WNK2: variants seen among roughly 807,000 people sequenced by gnomAD.
The protein encoded by WNK2 is WNK lysine deficient protein kinase 2, also known as serine/threonine-protein kinase WNK2.
A neutral mutation model predicts 192.1 loss-of-function variants in WNK2; 67 were observed. The ratio of observed to expected loss-of-function variants is 0.35; its 90% CI spans 0.29 to 0.43. WNK2 has a LOEUF of 0.43. Ranked by LOEUF, WNK2 falls within the 20% of genes least tolerant of loss-of-function variation. WNK2 has a pLI of 1.00. For synonymous variants in WNK2, 1,439 were observed against 1,393.9 expected, an observed-to-expected ratio of 1.03 and a Z score of -0.72; for missense variants, 2,698 against 3,089.7, an observed-to-expected ratio of 0.87 and a Z score of 3.01.
intron 2 of WNK2, among the ~76,000 whole-genome samples, chr9:93,207,099 C>T (rs1305229136): frequency 2.0e-5 from 3 of 152,076 alleles, no homozygotes; most frequent in Non-Finnish European, 2.9e-5. Context: ...CTGGGGCATC[C>T]AGATGAGAGG....
chr9:93,264,106 G>A, intron 16 of WNK2, 73 bp downstream of exon 16: 2 of 1,177,702 alleles, frequency 1.7e-6, no homozygotes, highest in African/African-American at 1.5e-5. Flanking sequence ...AGCGCCACAG[G>A]TCACATGTCG....
intron 14 of WNK2, 40 bp downstream of exon 14, chr9:93,262,759 G>A: frequency 6.2e-7 from 1 of 1,605,998 alleles, no homozygotes; most frequent in African/African-American, 1.3e-5. Flanking sequence ...ACGGGTGTAG[G>A]GGCGCAGGCC....
rs772790491 is a variant in WNK2, at chr9:93,297,901, C to T, written c.5757C>T (p.Ile1919=). Residue 1919 remains isoleucine (I), a synonymous_variant, in exon 24 of 30, where the codon ATC becomes ATT. Transcript: ENST00000427277. ...TGCAGAGCCAGCAGAAGCAGGAGAT[C>T]GAAGCTCTGTACCGCCGCCTGGGCA... ...SELQSQQKQE[I]EALYRRLGKP... is the part of the protein sequence containing the mutation. 1.3e-5 allele frequency: 20 copies of T among 1,593,490 alleles called. No individual in the cohort carries two copies. The highest frequency in any genetic ancestry group is 9.1e-5 in the South Asian group (8 of 87,762).
Position 93,289,912 on chromosome 9 carries a change from A to G in WNK2, c.4867-66A>G, listed in dbSNP as rs771279602. ...TGAGATGAGGGGAGTGGATTTGCAGATACAGCTGTTGAGATGCTGACCTGT... is the reference window on the plus strand; with the variant it reads ...TGAGATGAGGGGAGTGGATTTGCAGGTACAGCTGTTGAGATGCTGACCTGT... On this transcript the variant is annotated intron_variant, in intron 20 of 29. Coordinates refer to ENST00000427277, the MANE Select transcript of WNK2 (RefSeq NM_006648.4). 4.4e-5 allele frequency: 64 copies of G among 1,461,570 alleles called. No individual in the cohort carries two copies. In the Middle Eastern group the frequency reaches 5.4e-4, roughly 12 times the overall value. 90.5% of individuals were successfully genotyped at this position (1,461,570 alleles called of 1,614,324 possible). A position where few individuals can be genotyped will look rare whatever the true frequency, so the allele number is the denominator to read the frequency against.
At chr9:93,201,532 C>G (rs1832354981) in intron 2 of WNK2, among the ~76,000 whole-genome samples, 1 of 152,220 alleles carries the variant, frequency 6.6e-6, no homozygotes, top group African/African-American at 2.4e-5. Flanking sequence ...CCTGGCCTGG[C>G]CTATTGCTAG....
intron 2 of WNK2, among the ~76,000 whole-genome samples, chr9:93,202,844 G>A (rs1832717862): frequency 6.6e-6 from 1 of 152,146 alleles, no homozygotes; most frequent in South Asian, 2.1e-4. Flanking sequence ...GACACTTCTG[G>A]CTGGAAGGCC....
intron 28 of WNK2, 81 bp downstream of exon 28, chr9:93,308,665 G>C: frequency 7.0e-7 from 1 of 1,429,812 alleles, no homozygotes; most frequent in South Asian, 1.4e-5. Context: ...CTGTGTGGCA[G>C]AGGGGTGTCC....
chr9:93,184,508 G>A (rs955571503), intron 1 of WNK2, among the ~76,000 whole-genome samples, 123 bp downstream of exon 1: 1 of 151,868 alleles, frequency 6.6e-6, no homozygotes, highest in African/African-American at 2.4e-5. Flanking sequence ...AGCCGCCGCC[G>A]GGCCACTGCC....
chr9:93,242,626 G>A (rs1264124136), intron 7 of WNK2, among the ~76,000 whole-genome samples: 1 of 152,258 alleles, frequency 6.6e-6, no homozygotes, highest in Non-Finnish European at 1.5e-5. Context: ...TGAGGATTGG[G>A]ATGGTGGCTG....
At chr9:93,200,409 C>G (rs1832121910) in intron 2 of WNK2, among the ~76,000 whole-genome samples, 1 of 152,332 alleles carries the variant, frequency 6.6e-6, no homozygotes, top group African/African-American at 2.4e-5. Flanking sequence ...TCTGCATGTT[C>G]CCTCAAGAGC....
chr9:93,269,218 C>CTGCACT (rs2133249913), intron 19 of WNK2, among the ~76,000 whole-genome samples: 1 of 152,016 alleles, frequency 6.6e-6, no homozygotes, highest in South Asian at 2.1e-4. Context: ...TGATCTGCAC[C>CTGCACT]TGCACCTGCC....
intron 19 of WNK2, among the ~76,000 whole-genome samples, chr9:93,282,580 A>G (rs980862293): frequency 6.6e-6 from 1 of 152,194 alleles, no homozygotes; most frequent in African/African-American, 2.4e-5. Flanking sequence ...ATATTTTTAT[A>G]TCAATGTAGA....
chr9:93,243,933 C>T (rs1281249978), intron 7 of WNK2, among the ~76,000 whole-genome samples: 1 of 152,346 alleles, frequency 6.6e-6, no homozygotes, highest in African/African-American at 2.4e-5. Flanking sequence ...TGCTCTTCTT[C>T]CTAAAATCTG....
rs372417079 is a variant in WNK2 at position 93,280,475 on chromosome 9, AC to A, written c.4034-8311del. On this transcript the variant is annotated intron_variant, in intron 19 of 29. Transcript: ENST00000427277. ...TTCTTTAAAAAGTAAATGTGCAGATACCATGTGATCCACCCATTTTACTTCT... is the reference window on the plus strand; with the variant it reads ...TTCTTTAAAAAGTAAATGTGCAGATACATGTGATCCACCCATTTTACTTCT... Among the ~76,000 whole-genome samples the A allele has an allele frequency of 5.9e-5, 9 of 152,336 alleles. No individual in the cohort carries two copies. In the East Asian group the frequency reaches 1.7e-3, roughly 29 times the overall value.
At chr9:93,219,302 G>A (rs1587978236) in intron 2 of WNK2, among the ~76,000 whole-genome samples, 1 of 152,238 alleles carries the variant, frequency 6.6e-6, no homozygotes, top group Non-Finnish European at 1.5e-5. Flanking sequence ...CCACTGTCCT[G>A]GAGGGCCTGT....
intron 19 of WNK2, among the ~76,000 whole-genome samples, chr9:93,283,850 A>G (rs1334513331): frequency 6.6e-6 from 1 of 152,248 alleles, no homozygotes; most frequent in Non-Finnish European, 1.5e-5. Flanking sequence ...AGTAGGGGAC[A>G]GTTGTTCCCA....
intron 19 of WNK2, among the ~76,000 whole-genome samples, chr9:93,278,175 A>C (rs1847222221): frequency 1.3e-5 from 2 of 152,248 alleles, no homozygotes; most frequent in South Asian, 4.1e-4. Context: ...GGAAGAGCCC[A>C]GGCAGAGCTT....
chr9:93,254,978 C>G (rs1843081253), intron 9 of WNK2, among the ~76,000 whole-genome samples: 1 of 152,172 alleles, frequency 6.6e-6, no homozygotes, highest in African/African-American at 2.4e-5. Flanking sequence ...CACTCCTGGC[C>G]TGGGCTCCCA....
At chr9:93,253,114 C>T in intron 9 of WNK2, 32 bp downstream of exon 9, 2 of 813,244 alleles carry the variant, frequency 2.5e-6, no homozygotes, top group Non-Finnish European at 3.6e-6. Context: ...ACCCCCTTCC[C>T]CATCCCCATT....
Sources: gnomAD v4.1 joint callset for allele counts (sites outside exome capture counted in the v4.1 genomes callset) on GRCh38, gnomAD v4.1.1 for gene constraint, MANE v1.5 for transcripts, NCBI Gene and HGNC (gene_info 2026-07-23, HGNC 2026-07-21) for gene names.